APBB2: variants seen among roughly 807,000 people sequenced by gnomAD.
APBB2 encodes Fe65-like 1.
In APBB2, 38 loss-of-function variants were observed where a neutral mutation model predicts 82.5. That is an observed-to-expected ratio of 0.46 (90% CI 0.36 to 0.60). The LOEUF (loss-of-function observed/expected upper bound fraction) is 0.60, where lower values mean the gene tolerates loss of function less well. Among genes scored for constraint, APBB2 ranks in the 20% least tolerant of loss-of-function variants. APBB2 has a pLI of 0.00. For missense variants in APBB2, 772 were observed against 972.3 expected, an observed-to-expected ratio of 0.79 and a Z score of 2.74; for synonymous variants, 341 against 368.2, an observed-to-expected ratio of 0.93 and a Z score of 0.85.
At chr4:40,854,178 T>C (rs971319714) in intron 12 of APBB2, among the ~76,000 whole-genome samples, 1 of 152,246 alleles carries the variant, frequency 6.6e-6, no homozygotes, top group Non-Finnish European at 1.5e-5. Context: ...AACTGGGTTA[T>C]TTATGGAGGG....
At chr4:41,064,086 C>T (rs1730813727) in intron 4 of APBB2, among the ~76,000 whole-genome samples, 1 of 151,518 alleles carries the variant, frequency 6.6e-6, no homozygotes, top group Non-Finnish European at 1.5e-5. Context: ...TCACGCCATC[C>T]TCCTGCCTCA....
chr4:40,842,516 T>C (rs1041123951), intron 12 of APBB2: 1 of 347,498 alleles, frequency 2.9e-6, no homozygotes, highest in Non-Finnish European at 6.1e-6. Context: ...CAGCAATTAA[T>C]AGGCTTTCCG....
chr4:41,214,223 G>C (rs993667856), intron 1 of APBB2, among the ~76,000 whole-genome samples, 182 bp downstream of exon 1: 10 of 152,192 alleles, frequency 6.6e-5, no homozygotes, highest in African/African-American at 2.4e-4. Flanking sequence ...GCTGCTGCAG[G>C]TGTGGCTGCG....
chr4:41,033,035 G>A (rs900032960), intron 5 of APBB2, among the ~76,000 whole-genome samples: 6 of 151,602 alleles, frequency 4.0e-5, no homozygotes, highest in Admixed American at 6.6e-5. Flanking sequence ...CGCCGGTCTC[G>A]GCCTCCCAAA....
chr4:40,992,437 C>T (rs1183639668), intron 6 of APBB2, among the ~76,000 whole-genome samples: 3 of 152,016 alleles, frequency 2.0e-5, no homozygotes, highest in Non-Finnish European at 2.9e-5. Flanking sequence ...CTCAGCCTCC[C>T]AAAGCACTGG....
chr4:40,944,376 A>G (rs1020334271), intron 7 of APBB2, among the ~76,000 whole-genome samples: 3 of 152,176 alleles, frequency 2.0e-5, no homozygotes, highest in African/African-American at 7.2e-5. Context: ...AAATAAACAG[A>G]TTTTTTAAAA....
intron 7 of APBB2, among the ~76,000 whole-genome samples, chr4:40,941,470 G>A (rs1013714520): frequency 6.6e-6 from 1 of 152,126 alleles, no homozygotes; most frequent in South Asian, 2.1e-4. Context: ...AGTTCGGGGT[G>A]GAAATAGGGG....
At chr4:41,147,417 A>C (rs1761073632) in intron 1 of APBB2, among the ~76,000 whole-genome samples, 1 of 150,560 alleles carries the variant, frequency 6.6e-6, no homozygotes, top group South Asian at 2.1e-4. Flanking sequence ...GCCTCCGTGA[A>C]TGGATCTGGC....
chr4:40,902,909 C>T (rs558458463), intron 10 of APBB2, among the ~76,000 whole-genome samples: 1 of 152,210 alleles, frequency 6.6e-6, no homozygotes, highest in South Asian at 2.1e-4. Flanking sequence ...GGGAGGCTGA[C>T]GCAGGAGGAT....
intron 2 of APBB2, among the ~76,000 whole-genome samples, chr4:41,135,414 AG>A (rs1211560851): frequency 6.6e-6 from 1 of 152,258 alleles, no homozygotes; most frequent in African/African-American, 2.4e-5. Context: ...TATCCAAACC[AG>A]TAGACTATTT....
chr4:40,867,204 A>G (rs1764243989), intron 12 of APBB2, among the ~76,000 whole-genome samples: 1 of 152,200 alleles, frequency 6.6e-6, no homozygotes, highest in African/African-American at 2.4e-5. Context: ...AGCATGACCT[A>G]CAAAGCCTAT....
intron 6 of APBB2, among the ~76,000 whole-genome samples, chr4:41,012,006 GC>G (rs5857767): frequency 0.17 from 25,639 of 152,054 alleles, 2,372 homozygotes; most frequent in Non-Finnish European, 0.21. Context: ...GGAACTACAG[GC>G]ACATGCCACC....
chr4:41,163,300 G>C (rs1219425796), intron 1 of APBB2, among the ~76,000 whole-genome samples: 1 of 152,174 alleles, frequency 6.6e-6, no homozygotes, highest in African/African-American at 2.4e-5. Context: ...TTTTTGAATA[G>C]GGGAATAGCC....
At chr4:41,064,426 G>A (rs1730987910) in intron 4 of APBB2, among the ~76,000 whole-genome samples, 1 of 152,196 alleles carries the variant, frequency 6.6e-6, no homozygotes, top group Non-Finnish European at 1.5e-5. Flanking sequence ...GAAAGGATAT[G>A]GGGGCAAAAG....
intron 5 of APBB2, among the ~76,000 whole-genome samples, chr4:41,032,003 G>A (rs1717015355): frequency 1.3e-5 from 2 of 152,054 alleles, no homozygotes; most frequent in African/African-American, 4.8e-5. Context: ...GTAAACTCAG[G>A]TTTGTCATAG....
At chr4:41,110,332 C>T (rs940052891) in intron 2 of APBB2, among the ~76,000 whole-genome samples, 1 of 152,140 alleles carries the variant, frequency 6.6e-6, no homozygotes, top group African/African-American at 2.4e-5. Flanking sequence ...CAGCCGGACA[C>T]GGTGGCTCAC....
At chr4:41,158,942 C>G (rs887636289) in intron 1 of APBB2, among the ~76,000 whole-genome samples, 2 of 152,160 alleles carry the variant, frequency 1.3e-5, no homozygotes, top group Non-Finnish European at 2.9e-5. Flanking sequence ...CACCCTGCCT[C>G]CTAGTCTATG....
rs573188562 is a variant in APBB2 at position 41,155,657 on chromosome 4, G to A, written c.-416-12515C>T. Among the ~76,000 whole-genome samples, 11 of 152,332 alleles carry A rather than the reference G, an allele frequency of 7.2e-5. No homozygotes were observed. In the East Asian group the frequency reaches 1.7e-3, roughly 24 times the overall value. On this transcript the variant is annotated intron_variant, in intron 1 of 17. Coordinates refer to ENST00000508593, the MANE Select transcript of APBB2 (RefSeq NM_004307.2). Reference sequence around the variant, plus strand: ...CAGTCAGGCAGACATGGTGCTACCCGTCAAGCATGCAGGAAAGCAGCTTTC... The same window carrying A: ...CAGTCAGGCAGACATGGTGCTACCCATCAAGCATGCAGGAAAGCAGCTTTC...
chr4:40,930,700 C>T (rs2154373427), intron 10 of APBB2, among the ~76,000 whole-genome samples: 1 of 152,200 alleles, frequency 6.6e-6, no homozygotes, highest in South Asian at 2.1e-4. Context: ...GTAATCATTC[C>T]TCACAGACTA....
Sources: allele counts gnomAD v4.1 joint callset (sites outside exome capture counted in the v4.1 genomes callset), GRCh38; gene constraint gnomAD v4.1.1; transcripts MANE v1.5; gene names NCBI Gene and HGNC (gene_info 2026-07-23, HGNC 2026-07-21).